The following CDK14 variants were observed in gnomAD, a reference collection of about 807,000 sequenced individuals.
CDK14 encodes cyclin-dependent kinase 14.
Under a neutral mutation model 60.7 loss-of-function variants are expected in CDK14, and 34 were observed. The ratio of observed to expected loss-of-function variants is 0.56; its 90% CI spans 0.43 to 0.75. The LOEUF is 0.75. CDK14 is among the 30% of genes least tolerant of loss of function. CDK14 has a pLI of 0.00. For synonymous variants in CDK14, 197 were observed against 203.7 expected (o/e 0.97, Z 0.28); for missense variants, 482 against 564.1 (o/e 0.85, Z 1.47).
intron 2 of CDK14, among the ~76,000 whole-genome samples, chr7:90,699,755 G>C (rs1801743360): frequency 6.6e-6 from 1 of 152,192 alleles, no homozygotes; most frequent in African/African-American, 2.4e-5. Context: ...GGTCCTGCCA[G>C]GGCTGCAATT....
intron 4 of CDK14, among the ~76,000 whole-genome samples, chr7:90,785,766 G>A (rs186458668): frequency 4.1e-5 from 6 of 146,178 alleles, no homozygotes; most frequent in African/African-American, 1.3e-4. Context: ...CAGCCTGGGC[G>A]GCTGAGTGAG....
rs1190742265 is a variant in CDK14 at position 90,832,251 on chromosome 7, T to G, written c.545-30924T>G. Among the ~76,000 whole-genome samples, 4 of 152,190 alleles carry G rather than the reference T, an allele frequency of 2.6e-5. No individual in the cohort carries two copies. In the East Asian group the frequency reaches 7.7e-4, roughly 29 times the overall value. ...TAACTCCAGCACCTAGAATAATTCTTGGCACCAGTAAGTGTTCAGAAACAC... is the reference window on the plus strand; with the variant it reads ...TAACTCCAGCACCTAGAATAATTCTGGGCACCAGTAAGTGTTCAGAAACAC... On this transcript the variant is annotated intron_variant, in intron 5 of 14. Transcript: ENST00000380050.
chr7:90,864,748 A>G (rs1281256982), intron 6 of CDK14, among the ~76,000 whole-genome samples: 1 of 152,214 alleles, frequency 6.6e-6, no homozygotes, highest in African/African-American at 2.4e-5. Flanking sequence ...TTGCCAAATA[A>G]AAGGAAATAA....
At chr7:90,755,193 G>A (rs1011515914) in intron 4 of CDK14, among the ~76,000 whole-genome samples, 5 of 152,156 alleles carry the variant, frequency 3.3e-5, no homozygotes, top group African/African-American at 1.2e-4. Context: ...ATTCACGATA[G>A]CAAAGCTGTG....
rs3808254 is a variant in CDK14, at chr7:90,943,056, A to C, written c.827-12641A>C. 1.5e-4 allele frequency among the ~76,000 whole-genome samples: 23 copies of C among 152,280 alleles called. 1 individual carries two copies. The East Asian group carries it at 4.4e-3, about 29-fold the overall frequency. ...AGTTAACTCGTTGAGAGGCAGCTAA[A>C]GTGTCGTGCTGAATCAGAGAAGCCT... is the stretch of plus-strand genomic sequence containing the variant. On this transcript the variant is annotated intron_variant, in intron 8 of 14. Coordinates refer to ENST00000380050, the MANE Select transcript of CDK14 (RefSeq NM_001287135.2).
chr7:90,928,832 A>G (rs1793502131), intron 8 of CDK14, among the ~76,000 whole-genome samples: 1 of 152,230 alleles, frequency 6.6e-6, no homozygotes, highest in Admixed American at 6.5e-5. Context: ...TGGAGTGTAC[A>G]GAGGCAGGCA....
At chr7:91,037,481 G>C (rs1237064043) in intron 10 of CDK14, among the ~76,000 whole-genome samples, 1 of 152,168 alleles carries the variant, frequency 6.6e-6, no homozygotes, top group African/African-American at 2.4e-5. Flanking sequence ...ACCTCATTCT[G>C]ATACTCAAAA....
chr7:90,668,014 A>C (rs918905804), intron 2 of CDK14, among the ~76,000 whole-genome samples: 3 of 152,142 alleles, frequency 2.0e-5, no homozygotes, highest in Non-Finnish European at 4.4e-5. Flanking sequence ...ACAAGTTTTC[A>C]TGTTGATGTA....
At chr7:90,863,893 A>G (rs912254299) in intron 6 of CDK14, among the ~76,000 whole-genome samples, 4 of 152,160 alleles carry the variant, frequency 2.6e-5, no homozygotes, top group Non-Finnish European at 5.9e-5. Flanking sequence ...CTTAAAAAAC[A>G]TGGTATTTGT....
At chr7:91,103,844 A>AGAGAGAGAGAGAGAG (rs1562905796) in intron 12 of CDK14, among the ~76,000 whole-genome samples, 3 of 144,812 alleles carry the variant, frequency 2.1e-5, no homozygotes, top group African/African-American at 7.6e-5. Flanking sequence ...GAGAGAGAGA[A>AGAGAGAGAGAGAGAG]AGAGAGAGAG....
At chr7:91,030,916 A>T (rs1250888823) in intron 10 of CDK14, among the ~76,000 whole-genome samples, 2 of 152,192 alleles carry the variant, frequency 1.3e-5, no homozygotes, top group African/African-American at 4.8e-5. Flanking sequence ...GTGAGACTTC[A>T]GGAAAAGAAA....
intron 7 of CDK14, among the ~76,000 whole-genome samples, chr7:90,901,473 A>G (rs1315920196): frequency 6.6e-6 from 1 of 152,106 alleles, no homozygotes; most frequent in African/African-American, 2.4e-5. Context: ...ATTTTTTAAA[A>G]TACCTTAAAA....
intron 9 of CDK14, among the ~76,000 whole-genome samples, chr7:90,973,964 G>A (rs987580811): frequency 2.4e-4 from 37 of 152,238 alleles, no homozygotes; most frequent in African/African-American, 8.4e-4. Flanking sequence ...CCCAATCCTA[G>A]TAAGCCTGAG....
chr7:91,093,306 C>T (rs1271507279), intron 12 of CDK14, among the ~76,000 whole-genome samples: 2 of 152,118 alleles, frequency 1.3e-5, no homozygotes, highest in Non-Finnish European at 1.5e-5. Flanking sequence ...ATCCTGGTGC[C>T]TACTAGGCAG....
chr7:91,060,539 C>T lies in CDK14; in HGVS notation c.1105+14579C>T, dbSNP rs192629193. On this transcript the variant is annotated intron_variant, in intron 11 of 14. Coordinates refer to ENST00000380050, the MANE Select transcript of CDK14 (RefSeq NM_001287135.2). ...GGCATGTTTTTGCAGTGGCTGGTAC[C>T]GATTGTTCCTTTCCATGTTTCTGCT... Among the ~76,000 whole-genome samples the T allele has an allele frequency of 1.8e-4, 27 of 152,200 alleles. No individual in the cohort carries two copies. In the East Asian group the frequency reaches 2.7e-3, roughly 15 times the overall value.
intron 10 of CDK14, among the ~76,000 whole-genome samples, chr7:91,010,806 T>C (rs376091862): frequency 2.7e-5 from 2 of 73,310 alleles, no homozygotes; most frequent in Non-Finnish European, 2.5e-5. Context: ...CCTTCTTTCC[T>C]TCCTTCCTTC....
At chr7:90,667,275 C>T (rs979691464) in intron 2 of CDK14, among the ~76,000 whole-genome samples, 20 of 152,012 alleles carry the variant, frequency 1.3e-4, no homozygotes, top group African/African-American at 2.9e-4. Flanking sequence ...AGCCCGTATT[C>T]GAGTTAAAAA....
intron 14 of CDK14, among the ~76,000 whole-genome samples, chr7:91,122,461 C>G (rs773736578): frequency 1.3e-5 from 2 of 152,180 alleles, no homozygotes; most frequent in Non-Finnish European, 2.9e-5. Context: ...TGTGGCAGCA[C>G]TGTCTGAACG....
At chr7:90,869,066 C>T (rs532759416) in intron 6 of CDK14, among the ~76,000 whole-genome samples, 7 of 152,312 alleles carry the variant, frequency 4.6e-5, no homozygotes, top group Non-Finnish European at 8.8e-5. Context: ...CTGCCTCATA[C>T]ATTTTGATGT....
Sources: allele counts gnomAD v4.1 joint callset (sites outside exome capture counted in the v4.1 genomes callset), GRCh38; gene constraint gnomAD v4.1.1; transcripts MANE v1.5; gene names NCBI Gene and HGNC (gene_info 2026-07-23, HGNC 2026-07-21).